Variants in GRIN2A observed in about 807,000 individuals in gnomAD.
The protein encoded by GRIN2A is glutamate ionotropic receptor NMDA type subunit 2A.
A neutral mutation model predicts 113.4 loss-of-function variants in GRIN2A; 22 were observed. The ratio of observed to expected loss-of-function variants is 0.19; its 90% CI spans 0.14 to 0.28. GRIN2A has a LOEUF of 0.28. GRIN2A is among the 10% of genes least tolerant of loss of function. The pLI, the probability that GRIN2A is intolerant of heterozygous loss-of-function variation, is 1.00. For missense variants in GRIN2A, 1,502 were observed against 1,887.0 expected, an observed-to-expected ratio of 0.80 and a Z score of 3.78; for synonymous variants, 827 against 738.4, an observed-to-expected ratio of 1.12 and a Z score of -1.94.
intron 2 of GRIN2A, among the ~76,000 whole-genome samples, chr16:10,012,044 A>C (rs780461167): frequency 2.6e-5 from 4 of 152,118 alleles, no homozygotes; most frequent in Admixed American, 2.6e-4. Context: ...CAGTCCAATC[A>C]GTGATACTTG....
At chr16:9,834,400 T>G (rs1440146661) in intron 7 of GRIN2A, among the ~76,000 whole-genome samples, 170 bp from the exon 8 acceptor site, 2 of 152,126 alleles carry the variant, frequency 1.3e-5, no homozygotes, top group Non-Finnish European at 2.9e-5. Flanking sequence ...ATTTTTTAGA[T>G]GTAGCTTCAC....
chr16:9,809,700 T>C (rs1210800597), intron 10 of GRIN2A, among the ~76,000 whole-genome samples: 2 of 152,116 alleles, frequency 1.3e-5, no homozygotes, highest in African/African-American at 2.4e-5. Context: ...GTCTGTATAG[T>C]GGAGATGCTG....
In GRIN2A at chr16:9,938,142, C is replaced by T. The variant is rs2044759670; in HGVS notation, c.824G>A (p.Gly275Glu). 1.2e-6 allele frequency: 2 copies of T among 1,614,116 alleles called. No homozygotes were observed. The highest frequency in any genetic ancestry group is 1.7e-6 in the Non-Finnish European group (2 of 1,180,006). ...TELIPKEFPS[G>E]LISVSYDDWD... The stretch of plus-strand genomic sequence containing the variant: ...GTCATCGTAGGAGACAGAAATGAGT[C>T]CCGATGGAAACTCTTTTGGGATGAG... Residue 275 changes from glycine (G) to glutamate (E), a missense_variant, in exon 3 of 13, where the codon GGA becomes GAA. Transcript: ENST00000330684.
intron 4 of GRIN2A, among the ~76,000 whole-genome samples, chr16:9,889,967 CCTCA>C (rs1330930706): frequency 6.6e-6 from 1 of 152,116 alleles, no homozygotes; most frequent in Non-Finnish European, 1.5e-5. Flanking sequence ...TAAGCTTCCT[CCTCA>C]CTGTTCTTTT....
At position 9,941,958 on chromosome 16, in the gene GRIN2A, C is replaced by G. The variant is rs974238751; in HGVS notation, c.415-3407G>C. 2.6e-5 allele frequency among the ~76,000 whole-genome samples: 4 copies of G among 152,196 alleles called. No individual in the cohort carries two copies. In the East Asian group the frequency reaches 7.7e-4, roughly 29 times the overall value. On this transcript the variant is annotated intron_variant, in intron 2 of 12. Transcript: ENST00000330684. The stretch of plus-strand genomic sequence containing the variant: ...TCAGGTTTGCCTGCCCTCAGGGTCT[C>G]GAGTTTTTACCTCTGCACTCTGCTG...
chr16:9,868,467 A>G (rs533387106), intron 4 of GRIN2A, among the ~76,000 whole-genome samples: 53 of 152,250 alleles, frequency 3.5e-4, no homozygotes, highest in African/African-American at 1.2e-3. Context: ...GGGTTTTGCC[A>G]TGTTAGCCAC....
In GRIN2A at chr16:9,768,877, G is replaced by C. The variant is rs1195869916; in HGVS notation, c.2569C>G (p.Pro857Ala). Residue 857 changes from proline (P) to alanine (A), a missense_variant, in exon 12 of 13, where the codon CCT (proline) becomes GCT (alanine). Pro to Ala is a conservative substitution (Grantham distance 27). Transcript: ENST00000330684. ...FCFTGVCSDR[P>A]GLLFSISRGI... ...CTGCTGATGGAGAAGAGCAACCCAG[G>C]CCGGTCGGAGCACACGCCCGTGAAA... The C allele has an allele frequency of 6.2e-7, 1 of 1,614,040 alleles. No homozygotes were observed. The highest frequency in any genetic ancestry group is 8.5e-7 in the Non-Finnish European group (1 of 1,179,914).
At chr16:9,920,036 C>T (rs562836660) in intron 3 of GRIN2A, among the ~76,000 whole-genome samples, 1 of 152,330 alleles carries the variant, frequency 6.6e-6, no homozygotes, top group South Asian at 2.1e-4. Flanking sequence ...CATCCCATAT[C>T]AATAGCAAAT....
chr16:10,101,301 A>G (rs926823949), intron 2 of GRIN2A, among the ~76,000 whole-genome samples: 2 of 152,110 alleles, frequency 1.3e-5, no homozygotes, highest in Non-Finnish European at 2.9e-5. Flanking sequence ...CCCTAACTCC[A>G]TCTCAGCATC....
At chr16:10,136,685 A>G (rs960323718) in intron 2 of GRIN2A, among the ~76,000 whole-genome samples, 13 of 152,186 alleles carry the variant, frequency 8.5e-5, no homozygotes, top group South Asian at 2.1e-4. Flanking sequence ...TCTTGAAAGA[A>G]TAAGTTCACT....
At chr16:9,780,463 A>T (rs1044640316) in intron 11 of GRIN2A, among the ~76,000 whole-genome samples, 24 of 152,242 alleles carry the variant, frequency 1.6e-4, no homozygotes, top group African/African-American at 5.8e-4. Context: ...GACATCAATG[A>T]ATACATGTTG....
chr16:9,958,545 G>T (rs775063643), intron 2 of GRIN2A, among the ~76,000 whole-genome samples: 1 of 152,060 alleles, frequency 6.6e-6, no homozygotes, highest in African/African-American at 2.4e-5. Flanking sequence ...CCAGAAATCC[G>T]TATTTTTAAG....
intron 2 of GRIN2A, among the ~76,000 whole-genome samples, chr16:10,140,568 T>G (rs1356708723): frequency 6.6e-6 from 1 of 152,220 alleles, no homozygotes; most frequent in Non-Finnish European, 1.5e-5. Context: ...CTCTTTCTTC[T>G]GGCACTTTTG....
At chr16:9,949,551 GATGAATGA>G (rs753563502) in intron 2 of GRIN2A, among the ~76,000 whole-genome samples, 1 of 151,412 alleles carries the variant, frequency 6.6e-6, no homozygotes, top group African/African-American at 2.4e-5. Context: ...TGGTTGGGAG[GATGAATGA>G]ATGAATGAAT....
chr16:10,164,265 A>G (rs1391141034), intron 2 of GRIN2A, among the ~76,000 whole-genome samples: 1 of 152,252 alleles, frequency 6.6e-6, no homozygotes, highest in Admixed American at 6.5e-5. Flanking sequence ...TCTGTACAGA[A>G]CCTTCCTTGG....
intron 2 of GRIN2A, among the ~76,000 whole-genome samples, chr16:10,025,463 G>C (rs902038167): frequency 6.6e-6 from 1 of 151,878 alleles, no homozygotes; most frequent in Non-Finnish European, 1.5e-5. Flanking sequence ...CACCACATCT[G>C]ACTATTTTTT....
chr16:9,946,889 G>T (rs1311977419), intron 2 of GRIN2A, among the ~76,000 whole-genome samples: 1 of 152,158 alleles, frequency 6.6e-6, no homozygotes, highest in African/African-American at 2.4e-5. Flanking sequence ...TGATATCCAT[G>T]TTGAACACCT....
rs777151015 is a variant in GRIN2A at position 9,759,296 on chromosome 16, CA to C, written c.*3852del. ...TTAATCACCATTTAATTAACATCAA[CA>C]TTTTTTTTCTTTTTCATTAGCAATT... On this transcript the variant is annotated 3_prime_UTR_variant, in exon 13 of 13. Transcript: ENST00000330684. 12 of 220,856 alleles carry C rather than the reference CA, an allele frequency of 5.4e-5. No individual in the cohort carries two copies. Among genetic ancestry groups the C allele is most frequent in the South Asian group, 1.8e-4 (1 of 5,442 alleles). The allele number at this position is 220,856 out of a possible 1,614,324, so 13.7% of individuals were successfully genotyped here. A position where few individuals can be genotyped will look rare whatever the true frequency, so the allele number is the denominator to read the frequency against.
chr16:10,041,142 A>C (rs1422637154), intron 2 of GRIN2A, among the ~76,000 whole-genome samples: 2 of 152,250 alleles, frequency 1.3e-5, no homozygotes, highest in Admixed American at 6.5e-5. Context: ...TTATCATAAA[A>C]AAGTGAAGGG....
Sources: allele counts gnomAD v4.1 joint callset (sites outside exome capture counted in the v4.1 genomes callset), GRCh38; gene constraint gnomAD v4.1.1; transcripts MANE v1.5; gene names NCBI Gene and HGNC (gene_info 2026-07-23, HGNC 2026-07-21).